SYNE1: variants seen among roughly 807,000 people sequenced by gnomAD.
The protein encoded by SYNE1 is nesprin-1.
SYNE1 carries 616 observed loss-of-function variants against 1,111.0 expected under a neutral mutation model. The ratio of observed to expected loss-of-function variants is 0.55; its 90% CI spans 0.52 to 0.59. SYNE1 has a LOEUF of 0.59. Ranked by LOEUF, SYNE1 falls within the 20% of genes least tolerant of loss-of-function variation. The probability of loss-of-function intolerance (pLI) is 0.00; values close to 1 mark genes in which losing one functional copy is unlikely to be tolerated. For synonymous variants in SYNE1, 3,855 were observed against 3,825.8 expected, an observed-to-expected ratio of 1.01 and a Z score of -0.28; for missense variants, 10,006 against 10,417.0, an observed-to-expected ratio of 0.96 and a Z score of 1.72.
intron 101 of SYNE1, among the ~76,000 whole-genome samples, chr6:152,258,680 T>C (rs9383615): frequency 0.58 from 88,484 of 151,830 alleles, 26,185 homozygotes; most frequent in East Asian, 0.75. Flanking sequence ...GGCAATGATA[T>C]GGTGTAGCAT....
In SYNE1 at chr6:152,331,365, T is replaced by C. The variant is rs374787261; in HGVS notation, c.13320A>G (p.Leu4440=). Residue 4440 remains leucine (L), a synonymous_variant, in exon 78 of 146, where the codon TTA becomes TTG. Transcript: ENST00000367255. ...TTAAGTACTTTCTTCGCTGGCCCAC[T>C]AAGTCACTGAGACAATTCACGTGGC... ...AQSHVNCLSD[L]VGQRRKYLNK... The C allele has an allele frequency of 1.1e-5, 18 of 1,614,200 alleles. No individual in the cohort carries two copies. The East Asian group carries it at 1.6e-4, about 14-fold the overall frequency.
At chr6:152,426,373 A>G (rs1392706108) in intron 38 of SYNE1, among the ~76,000 whole-genome samples, 1 of 152,238 alleles carries the variant, frequency 6.6e-6, no homozygotes, top group African/African-American at 2.4e-5. Context: ...ATAAAGCAGA[A>G]CTGCGACTTA....
chr6:152,303,883 T>G (rs966155525), intron 91 of SYNE1, among the ~76,000 whole-genome samples: 1 of 151,008 alleles, frequency 6.6e-6, no homozygotes, highest in Admixed American at 6.6e-5. Context: ...GCTGACTGTA[T>G]GCAAAACACG....
intron 128 of SYNE1, among the ~76,000 whole-genome samples, chr6:152,182,923 G>A (rs1274072648): frequency 1.3e-5 from 2 of 152,144 alleles, no homozygotes; most frequent in Admixed American, 6.6e-5. Flanking sequence ...TTCCCCATTA[G>A]TATAATTTAG....
In SYNE1 at chr6:152,381,126, A is replaced by G; in HGVS notation, c.8889T>C (p.Ala2963=). The change falls in exon 56 of 146, where the codon GCT becomes GCC. Residue 2963 remains alanine, a synonymous_variant. Transcript: ENST00000367255. ...LSEQEFSGQV[A]QLEQALEQFS... ...ACTGTTCCAGGGCCTGCTCCAGTTGAGCCACTTGGCCTGAGAATTCCTGCT... is the reference window on the plus strand; with the variant it reads ...ACTGTTCCAGGGCCTGCTCCAGTTGGGCCACTTGGCCTGAGAATTCCTGCT... 6.2e-7 allele frequency: 1 copy of G among 1,614,142 alleles called. No homozygotes were observed. The highest frequency in any genetic ancestry group is 8.5e-7 in the Non-Finnish European group (1 of 1,180,018).
intron 18 of SYNE1, 112 bp downstream of exon 18, chr6:152,465,146 A>G: frequency 8.1e-7 from 1 of 1,240,206 alleles, no homozygotes; most frequent in Non-Finnish European, 1.2e-6. Context: ...CAAAGTCAAG[A>G]TTCTTGAGTG....
chr6:152,570,773 C>T lies in SYNE1; in HGVS notation c.68-30752G>A, dbSNP rs531481499. Among the ~76,000 whole-genome samples the T allele has an allele frequency of 1.5e-4, 23 of 152,294 alleles. No homozygotes were observed. In the East Asian group the frequency reaches 3.9e-3, roughly 26 times the overall value. On this transcript the variant is annotated intron_variant, in intron 3 of 145. Coordinates refer to ENST00000367255, the MANE Select transcript of SYNE1 (RefSeq NM_182961.4). ...ATAAAGGGAGCTATCTAGGAAGGTT[C>T]AGTCCTTACTATCATGGTAAGAAGT...
chr6:152,567,188 C>G (rs2099416735), intron 3 of SYNE1, among the ~76,000 whole-genome samples: 1 of 152,034 alleles, frequency 6.6e-6, no homozygotes, highest in African/African-American at 2.4e-5. Context: ...CGCAAGTCTT[C>G]TAGGTTCATC....
intron 95 of SYNE1, among the ~76,000 whole-genome samples, chr6:152,284,401 T>A (rs138923066): frequency 3.3e-5 from 5 of 152,294 alleles, no homozygotes; most frequent in Admixed American, 1.3e-4. Context: ...ACAACTTAAT[T>A]AATCTTTCTA....
chr6:152,367,626 T>C, intron 61 of SYNE1: 1 of 522,448 alleles, frequency 1.9e-6, no homozygotes, highest in Admixed American at 3.1e-5. Flanking sequence ...TTTATGACTA[T>C]CATGATTATT....
chr6:152,301,529 A>G (rs745587496), intron 92 of SYNE1, among the ~76,000 whole-genome samples: 19 of 152,210 alleles, frequency 1.2e-4, no homozygotes, highest in Admixed American at 6.5e-4. Context: ...TGAATTTCCC[A>G]TCCCCCAGAC....
At chr6:152,498,161 C>T (rs867963548) in intron 11 of SYNE1, among the ~76,000 whole-genome samples, 7 of 152,062 alleles carry the variant, frequency 4.6e-5, no homozygotes, top group Admixed American at 1.3e-4. Context: ...TAAAGAAAAA[C>T]GGAAAAGCTG....
chr6:152,403,360 T>C (rs536800257), intron 46 of SYNE1, among the ~76,000 whole-genome samples: 1 of 152,136 alleles, frequency 6.6e-6, no homozygotes, highest in Non-Finnish European at 1.5e-5. Context: ...ATAGTGGTGA[T>C]CCCTCTAAAC....
rs1356175073 is a variant in SYNE1, at chr6:152,505,322, G to T, written c.657C>A (p.Ala219=). ...CCAAGTCCACCAATTCCGGTCGAAT[G>T]GCATGAATAACTGAATGAAAGGCAA... ...SGVAFHSVIH[A]IRPELVDLET... The change falls in exon 9 of 146, where the codon GCC becomes GCA. Residue 219 remains alanine, a synonymous_variant. Transcript: ENST00000367255. 6.2e-7 allele frequency: 1 copy of T among 1,614,020 alleles called. No individual in the cohort carries two copies. Among genetic ancestry groups the T allele is most frequent in the South Asian group, 1.1e-5 (1 of 91,076 alleles).
At chr6:152,551,194 C>T (rs1394020563) in intron 3 of SYNE1, among the ~76,000 whole-genome samples, 2 of 152,120 alleles carry the variant, frequency 1.3e-5, no homozygotes, top group African/African-American at 4.8e-5. Flanking sequence ...TGAACTTATT[C>T]ATGTTTTGTA....
chr6:152,635,490 T>C (rs1349120270), intron 2 of SYNE1, among the ~76,000 whole-genome samples: 1 of 152,228 alleles, frequency 6.6e-6, no homozygotes, highest in Non-Finnish European at 1.5e-5. Context: ...ATACTACAAA[T>C]CTTTTTTCAC....
chr6:152,389,667 T>A (rs2097577996), intron 53 of SYNE1, among the ~76,000 whole-genome samples: 1 of 152,180 alleles, frequency 6.6e-6, no homozygotes, highest in Non-Finnish European at 1.5e-5. Context: ...CTCATCAACA[T>A]CTGGTACAGA....
At chr6:152,466,888 T>C (rs79417020) in intron 16 of SYNE1, among the ~76,000 whole-genome samples, 1 of 152,254 alleles carries the variant, frequency 6.6e-6, no homozygotes, top group African/African-American at 2.4e-5. Flanking sequence ...TTCCTATGAT[T>C]TGAATCTATT....
At chr6:152,233,711 A>G (rs933344030) in intron 112 of SYNE1, 70 bp downstream of exon 112, 4 of 1,586,718 alleles carry the variant, frequency 2.5e-6, no homozygotes, top group Admixed American at 1.7e-5. Flanking sequence ...GAGCAAAAGC[A>G]AATTAATGTA....
Sources: gnomAD v4.1 joint callset for allele counts (sites outside exome capture counted in the v4.1 genomes callset) on GRCh38, gnomAD v4.1.1 for gene constraint, MANE v1.5 for transcripts, NCBI Gene and HGNC (gene_info 2026-07-23, HGNC 2026-07-21) for gene names.